Variants in GRIA3 observed in about 807,000 individuals in gnomAD.
The protein encoded by GRIA3 is glutamate ionotropic receptor AMPA type subunit 3.
In GRIA3, 3 loss-of-function variants were observed where a neutral mutation model predicts 63.0. The ratio of observed to expected loss-of-function variants is 0.05; its 90% confidence interval spans 0.02 to 0.12. GRIA3 has a LOEUF of 0.12. Among genes scored for constraint, GRIA3 ranks in the 10% least tolerant of loss-of-function variants. The probability of loss-of-function intolerance (pLI) is 1.00; values close to 1 mark genes in which losing one functional copy is unlikely to be tolerated. For missense variants in GRIA3, 347 were observed against 700.9 expected, an observed-to-expected ratio of 0.50 and a Z score of 5.70; for synonymous variants, 274 against 257.9, an observed-to-expected ratio of 1.06 and a Z score of -0.60.
intron 13 of GRIA3, among the ~76,000 whole-genome samples, chrX:123,467,046 TA>T (rs2045838025): frequency 8.9e-6 from 1 of 112,940 alleles, no homozygotes; most frequent in South Asian, 3.6e-4. Context: ...CCTTTTATCG[TA>T]AAACCTTGAT....
intron 7 of GRIA3, among the ~76,000 whole-genome samples, chrX:123,401,544 T>C (rs1388630615): frequency 8.9e-6 from 1 of 112,066 alleles, no homozygotes; most frequent in Non-Finnish European, 1.9e-5. Context: ...AGAAGTGTGA[T>C]GCCACCTTCT....
At chrX:123,427,517 G>A (rs2147400544) in intron 11 of GRIA3, among the ~76,000 whole-genome samples, 1 of 110,806 alleles carries the variant, frequency 9.0e-6, no homozygotes, top group African/African-American at 3.3e-5. Flanking sequence ...TGTGGAAGCA[G>A]GAGATGGTAA....
At chrX:123,236,293 A>G (rs1030053312) in intron 2 of GRIA3, among the ~76,000 whole-genome samples, 2 of 111,200 alleles carry the variant, frequency 1.8e-5, no homozygotes, top group African/African-American at 3.3e-5. Context: ...TTTAAGGGTG[A>G]AAGAGAGCAA....
At chrX:123,230,513 G>C (rs891584210) in intron 2 of GRIA3, among the ~76,000 whole-genome samples, 3 of 111,429 alleles carry the variant, frequency 2.7e-5, no homozygotes, top group East Asian at 5.6e-4. Flanking sequence ...GTAGGCTGGT[G>C]GGGGAGATAT....
intron 2 of GRIA3, among the ~76,000 whole-genome samples, chrX:123,244,765 T>G (rs182778542): frequency 8.0e-5 from 9 of 112,163 alleles, no homozygotes; most frequent in African/African-American, 2.6e-4. Context: ...CATCTTACAA[T>G]GCACAGGACA....
chrX:123,196,537 G>A (rs1419407847), intron 2 of GRIA3, among the ~76,000 whole-genome samples: 1 of 111,975 alleles, frequency 8.9e-6, no homozygotes, highest in Non-Finnish European at 1.9e-5. Context: ...GTTTACTTGA[G>A]GCACACAAGA....
At chrX:123,433,718 G>A (rs1182873812) in intron 12 of GRIA3, among the ~76,000 whole-genome samples, 1 of 111,818 alleles carries the variant, frequency 8.9e-6, no homozygotes, top group Non-Finnish European at 1.9e-5. Context: ...AGTAGAGAGA[G>A]TGGTGACTTG....
At chrX:123,334,083 C>G (rs2044958636) in intron 4 of GRIA3, among the ~76,000 whole-genome samples, 1 of 111,587 alleles carries the variant, frequency 9.0e-6, no homozygotes, top group African/African-American at 3.3e-5. Context: ...TAATGCAACC[C>G]AAACTACAGA....
At chrX:123,468,892 T>C in intron 13 of GRIA3, among the ~76,000 whole-genome samples, 1 of 112,925 alleles carries the variant, frequency 8.9e-6, no homozygotes, top group East Asian at 2.8e-4. Context: ...GTCATAAATC[T>C]CTGCTGACTT....
intron 2 of GRIA3, among the ~76,000 whole-genome samples, chrX:123,245,852 G>A (rs1162458403): frequency 8.9e-6 from 1 of 111,808 alleles, no homozygotes; most frequent in Non-Finnish European, 1.9e-5. Flanking sequence ...ATAGTTGATG[G>A]AGGTGGCAGG....
rs753907077 is a variant in GRIA3, at chrX:123,419,954, A to T, written c.1877+2176A>T. On this transcript the variant is annotated intron_variant, in intron 11 of 15. Coordinates refer to ENST00000620443, the MANE Select transcript of GRIA3 (RefSeq NM_007325.5). Reference sequence around the variant, plus strand: ...GTATTGGTGAATTTTATGGTATGCAAATTTTATCTAAGAAAAGCAAAATAT... The same window carrying T: ...GTATTGGTGAATTTTATGGTATGCATATTTTATCTAAGAAAAGCAAAATAT... Among the ~76,000 whole-genome samples the T allele has an allele frequency of 2.9e-4, 32 of 112,056 alleles. 1 individual carries two copies. The Middle Eastern group carries it at 0.023, about 80-fold the overall frequency.
intron 12 of GRIA3, among the ~76,000 whole-genome samples, chrX:123,450,452 C>G (rs1187778677): frequency 8.9e-6 from 1 of 112,461 alleles, no homozygotes; most frequent in Non-Finnish European, 1.9e-5. Context: ...TTTTGAAAGC[C>G]AGCACACCTG....
chrX:123,320,886 G>A (rs1402523315), intron 3 of GRIA3, among the ~76,000 whole-genome samples: 17 of 111,753 alleles, frequency 1.5e-4, no homozygotes, highest in Admixed American at 1.4e-3. Context: ...ATTCTAAACT[G>A]TGTGATATTT....
chrX:123,294,902 A>G (rs1468328820), intron 3 of GRIA3, among the ~76,000 whole-genome samples: 3 of 112,057 alleles, frequency 2.7e-5, no homozygotes, highest in African/African-American at 9.7e-5. Context: ...AGAAGGAACT[A>G]TGTATATGTT....
chrX:123,241,858 G>A (rs2044331886), intron 2 of GRIA3, among the ~76,000 whole-genome samples: 1 of 111,711 alleles, frequency 9.0e-6, no homozygotes, highest in Non-Finnish European at 1.9e-5. Flanking sequence ...ATAATCCTCA[G>A]GTGGTGAAAG....
At position 123,377,442 on chromosome X, in the gene GRIA3, A is replaced by G. The variant is rs146902686; in HGVS notation, c.751-17526A>G. Reference sequence around the variant, plus strand: ...GAAATAGGTAAACCATGAAATAGCCAATTCCCTCCCATTAGTTGTAAGTTC... The same window carrying G: ...GAAATAGGTAAACCATGAAATAGCCGATTCCCTCCCATTAGTTGTAAGTTC... On this transcript the variant is annotated intron_variant, in intron 5 of 15. Transcript: ENST00000620443. Among the ~76,000 whole-genome samples, 770 of 112,012 alleles carry G rather than the reference A, an allele frequency of 6.9e-3. 3 individuals carry two copies. Among genetic ancestry groups the G allele is most frequent in the African/African-American group, 0.021 (651 of 30,845 alleles).
At chrX:123,267,949 G>A (rs1388240261) in intron 3 of GRIA3, among the ~76,000 whole-genome samples, 1 of 111,039 alleles carries the variant, frequency 9.0e-6, no homozygotes, top group Non-Finnish European at 1.9e-5. Context: ...AATATGAGTG[G>A]ATGGGGGAAC....
chrX:123,434,044 A>G (rs1166045179), intron 12 of GRIA3, among the ~76,000 whole-genome samples: 1 of 111,965 alleles, frequency 8.9e-6, no homozygotes, highest in Non-Finnish European at 1.9e-5. Flanking sequence ...CTGGGTCTAC[A>G]TTTCTTCAAT....
In GRIA3 at chrX:123,294,434, T is replaced by G. The variant is rs1387337850; in HGVS notation, c.509-31592T>G. Among the ~76,000 whole-genome samples the G allele has an allele frequency of 3.6e-5, 4 of 111,527 alleles. No individual in the cohort carries two copies. The Admixed American group carries it at 3.8e-4, about 11-fold the overall frequency. ...TTTAAAGAGTAACCTGATAAAGTTA[T>G]AGCCACCCATTCAAATTTCCAAGAA... On this transcript the variant is annotated intron_variant, in intron 3 of 15. Coordinates refer to ENST00000620443, the MANE Select transcript of GRIA3 (RefSeq NM_007325.5).
Sources: allele counts gnomAD v4.1 joint callset (sites outside exome capture counted in the v4.1 genomes callset), GRCh38; gene constraint gnomAD v4.1.1; transcripts MANE v1.5; gene names NCBI Gene and HGNC (gene_info 2026-07-23, HGNC 2026-07-21).